TXLNB: variants seen among roughly 807,000 people sequenced by gnomAD.
TXLNB encodes taxilin beta, also known as beta-taxilin.
TXLNB carries 37 observed loss-of-function variants against 57.4 expected under a neutral mutation model. That is an observed-to-expected ratio of 0.64 (90% CI 0.50 to 0.85). The LOEUF (loss-of-function observed/expected upper bound fraction) is 0.85. Ranked by LOEUF, TXLNB falls within the 40% of genes least tolerant of loss-of-function variation. The pLI, the probability that TXLNB is intolerant of heterozygous loss-of-function variation, is 0.00. For missense variants in TXLNB, 848 were observed against 825.6 expected (o/e 1.03, Z -0.33); for synonymous variants, 302 against 309.6 (o/e 0.98, Z 0.26).
rs1360450488 is a variant in TXLNB at position 139,281,755 on chromosome 6, A to G, written c.425-4834T>C. 1.8e-5 allele frequency among the ~76,000 whole-genome samples: 2 copies of G among 112,012 alleles called. 1 individual carries two copies. Among genetic ancestry groups the G allele is most frequent in the African/African-American group, 1.2e-4 (2 of 17,248 alleles). The allele number at this position is 112,012 out of a possible 152,430, so 73.5% of individuals were successfully genotyped here. ...AGTAGAGACGGGTTTTCACCGTGTT[A>G]GCCAGGATGGTCTCGATCTCCTGAC... is the stretch of plus-strand genomic sequence containing the variant. On this transcript the variant is annotated intron_variant, in intron 2 of 9. Coordinates refer to ENST00000358430, the MANE Select transcript of TXLNB (RefSeq NM_153235.4).
the TXLNB span, chr6:139,167,077 C>T: frequency 1.9e-6 from 3 of 1,614,230 alleles, no homozygotes; most frequent in Non-Finnish European, 1.7e-6. Context: ...TCCTCACTCA[C>T]ATCCCCAGGC....
the TXLNB span, among the ~76,000 whole-genome samples, chr6:139,313,075 CTCTT>C: frequency 6.6e-6 from 1 of 151,252 alleles, no homozygotes. Flanking sequence ...TTGTCTTTCT[CTCTT>C]TTTTTTTTTT....
At chr6:139,234,048 TTAG>T in the TXLNB span, 1 of 152,214 alleles carries the variant, frequency 6.6e-6, no homozygotes, top group Non-Finnish European at 1.5e-5. Flanking sequence ...TTGCTATGCT[TTAG>T]CAAAGAGACT....
rs752185237 is a variant in TXLNB at position 139,262,673 on chromosome 6, T to C, written c.788A>G (p.Gln263Arg). 9 of 1,614,238 alleles carry C rather than the reference T, an allele frequency of 5.6e-6. 1 individual carries two copies. The South Asian group carries it at 8.8e-5, about 16-fold the overall frequency. ...TLTDIQGQIEQQSERNMKLCQ... is the reference protein window; with the variant it reads ...TLTDIQGQIERQSERNMKLCQ... Reference sequence around the variant, plus strand: ...GAGCTTCATATTTCGCTCACTCTGCTGCTCGATCTGGCCCTGGATGTCCGT... The same window carrying C: ...GAGCTTCATATTTCGCTCACTCTGCCGCTCGATCTGGCCCTGGATGTCCGT... The change falls in exon 5 of 10, where the codon CAG (glutamine) becomes CGG (arginine). Residue 263 changes from glutamine to arginine, a missense_variant. Coordinates refer to ENST00000358430, the MANE Select transcript of TXLNB (RefSeq NM_153235.4).
At chr6:139,163,799 T>C in the TXLNB span, among the ~76,000 whole-genome samples, 1 of 152,316 alleles carries the variant, frequency 6.6e-6, no homozygotes. Flanking sequence ...CTCTGGTCTC[T>C]GCCCACTCCT....
rs150033076 is a variant in TXLNB, at chr6:139,243,668, G to A, written c.1267-354C>T. On this transcript the variant is annotated intron_variant, in intron 9 of 9. Coordinates refer to ENST00000358430, the MANE Select transcript of TXLNB (RefSeq NM_153235.4). ...CTTAGAAGGTAGAAGCAAGACTTGCGGCAAGATAAATGAGATGGATTGGGA... is the reference window on the plus strand; with the variant it reads ...CTTAGAAGGTAGAAGCAAGACTTGCAGCAAGATAAATGAGATGGATTGGGA... Among the ~76,000 whole-genome samples the A allele has an allele frequency of 4.0e-3, 616 of 152,106 alleles. 5 individuals carry two copies. The highest frequency in any genetic ancestry group is 0.014 in the African/African-American group (593 of 41,474).
chr6:139,208,369 A>G, the TXLNB span, among the ~76,000 whole-genome samples: 2 of 152,224 alleles, frequency 1.3e-5, no homozygotes, highest in African/African-American at 2.4e-5. Flanking sequence ...CAGACATCTA[A>G]AAAAGAATTC....
In TXLNB at chr6:139,240,499, G is replaced by A. The variant is rs1288364528; in HGVS notation, c.*2027C>T. 1.3e-5 allele frequency: 2 copies of A among 152,616 alleles called. No individual in the cohort carries two copies. The highest frequency in any genetic ancestry group is 1.5e-5 in the Non-Finnish European group (1 of 68,038). 9.5% of individuals were successfully genotyped at this position (152,616 alleles called of 1,614,324 possible). A position where few individuals can be genotyped will look rare whatever the true frequency, so the allele number is the denominator to read the frequency against. On this transcript the variant is annotated 3_prime_UTR_variant, in exon 10 of 10. Transcript: ENST00000358430. ...GTTTCTCTTGCTAAATATTCAGACT[G>A]AGACTTTACTATGACTAATCTTACT...
Position 139,242,784 on chromosome 6 carries a change from A to G in TXLNB, c.1797T>C (p.Ala599=). Residue 599 remains alanine, a synonymous_variant, in exon 10 of 10, where the codon GCT becomes GCC. Transcript: ENST00000358430. ...QCEGLPVGAQ[A]DQASWKPEAE... ...CCTCTGGCTTCCAGGACGCCTGATC[A>G]GCCTGTGCTCCAACAGGGAGACCCT... 2.5e-6 allele frequency: 4 copies of G among 1,614,138 alleles called. No individual in the cohort carries two copies. Among genetic ancestry groups the G allele is most frequent in the Non-Finnish European group, 3.4e-6 (4 of 1,180,008 alleles).
chr6:139,272,099 G>C (rs1302896782), intron 3 of TXLNB, among the ~76,000 whole-genome samples: 1 of 152,136 alleles, frequency 6.6e-6, no homozygotes, highest in South Asian at 2.1e-4. Flanking sequence ...ATGAGGTCAG[G>C]AGATCAAGAC....
the TXLNB span, among the ~76,000 whole-genome samples, chr6:139,193,822 T>TTTTA: frequency 0.041 from 3,733 of 91,896 alleles, 110 homozygotes; most frequent in Non-Finnish European, 0.055. Context: ...CCTGGCTAAT[T>TTTTA]TATATATATA....
At chr6:139,258,823 C>T (rs753287868) in intron 6 of TXLNB, among the ~76,000 whole-genome samples, 8 of 152,180 alleles carry the variant, frequency 5.3e-5, no homozygotes, top group African/African-American at 9.7e-5. Context: ...TGGGAACAGA[C>T]GCACATAAGA....
chr6:139,225,498 C>T, the TXLNB span, among the ~76,000 whole-genome samples: 1 of 152,000 alleles, frequency 6.6e-6, no homozygotes, highest in Non-Finnish European at 1.5e-5. Context: ...AAAGCCAATA[C>T]ATAAAAAAAT....
At position 139,244,574 on chromosome 6, in the gene TXLNB, C is replaced by G. The variant is rs1225335836; in HGVS notation, c.1266+21G>C. The G allele has an allele frequency of 2.0e-6, 3 of 1,533,014 alleles. No individual in the cohort carries two copies. The South Asian group carries it at 3.4e-5, about 17-fold the overall frequency. 95.0% of individuals were successfully genotyped at this position (1,533,014 alleles called of 1,614,324 possible). A position where few individuals can be genotyped will look rare whatever the true frequency, so the allele number is the denominator to read the frequency against. On this transcript the variant is annotated intron_variant, in intron 9 of 9. Transcript: ENST00000358430. ...TTTGACTAGACAGAGGGGATTAAAG[C>G]TAAGGGAGAAACTTCCTCACCTCTT...
At chr6:139,166,577 A>G in the TXLNB span, 2 of 1,614,226 alleles carry the variant, frequency 1.2e-6, no homozygotes, top group Non-Finnish European at 1.7e-6. Context: ...GAAGAAGGAC[A>G]CAGACTGGTA....
the TXLNB span, among the ~76,000 whole-genome samples, chr6:139,162,260 G>A: frequency 6.6e-6 from 1 of 152,132 alleles, no homozygotes; most frequent in African/African-American, 2.4e-5. Context: ...GGCAATCCTG[G>A]TAAAATTGGT....
upstream of TXLNB, among the ~76,000 whole-genome samples, chr6:139,296,752 C>A (rs888274666): frequency 6.6e-6 from 1 of 152,092 alleles, no homozygotes; most frequent in East Asian, 1.9e-4. Context: ...CTTCTCCTAA[C>A]TGGAAACAAA....
At chr6:139,181,967 T>C in the TXLNB span, among the ~76,000 whole-genome samples, 3 of 152,156 alleles carry the variant, frequency 2.0e-5, no homozygotes, top group Non-Finnish European at 4.4e-5. Flanking sequence ...ATTCCACAGA[T>C]GCTTTTGTTT....
At chr6:139,253,486 T>C (rs759676616) in intron 7 of TXLNB, among the ~76,000 whole-genome samples, 2 of 152,158 alleles carry the variant, frequency 1.3e-5, no homozygotes, top group Non-Finnish European at 2.9e-5. Context: ...TGATTCATTA[T>C]AGCATTTTCA....
Sources: allele counts gnomAD v4.1 joint callset (sites outside exome capture counted in the v4.1 genomes callset), GRCh38; gene constraint gnomAD v4.1.1; transcripts MANE v1.5; gene names NCBI Gene and HGNC (gene_info 2026-07-23, HGNC 2026-07-21).